Variants in CNTNAP2 observed in about 807,000 individuals in gnomAD.
The protein encoded by CNTNAP2 is contactin associated protein 2.
Under a neutral mutation model 155.2 loss-of-function variants are expected in CNTNAP2, and 98 were observed. That is an observed-to-expected ratio of 0.63 (90% confidence interval 0.54 to 0.75). The LOEUF is 0.75. Among genes scored for constraint, CNTNAP2 ranks in the 30% least tolerant of loss-of-function variants. The pLI, the probability that CNTNAP2 is intolerant of heterozygous loss-of-function variation, is 0.00. For synonymous variants in CNTNAP2, 651 were observed against 631.2 expected, an observed-to-expected ratio of 1.03 and a Z score of -0.47; for missense variants, 1,727 against 1,688.1, an observed-to-expected ratio of 1.02 and a Z score of -0.40.
chr7:148,027,178 G>A (rs1802391174), intron 15 of CNTNAP2, among the ~76,000 whole-genome samples: 1 of 152,120 alleles, frequency 6.6e-6, no homozygotes, highest in South Asian at 2.1e-4. Flanking sequence ...TGGGTGTGTG[G>A]TCTACAAAAC....
chr7:147,774,874 A>C (rs981725106), intron 13 of CNTNAP2, among the ~76,000 whole-genome samples: 4 of 152,154 alleles, frequency 2.6e-5, no homozygotes, highest in African/African-American at 9.7e-5. Flanking sequence ...TTAAAGGATA[A>C]GAAAACTGAA....
intron 13 of CNTNAP2, among the ~76,000 whole-genome samples, chr7:147,734,624 T>C (rs1442963821): frequency 2.0e-5 from 3 of 152,320 alleles, no homozygotes; most frequent in African/African-American, 7.2e-5. Flanking sequence ...TGGTAGAATT[T>C]GGCTGTGAAT....
At chr7:148,137,789 T>C (rs79120200) in intron 16 of CNTNAP2, among the ~76,000 whole-genome samples, 4,584 of 152,312 alleles carry the variant, frequency 0.03, 107 homozygotes, top group Non-Finnish European at 0.049. Flanking sequence ...TCTCTGTTGA[T>C]CTGCAGCATA....
At chr7:147,169,666 G>A (rs773936868) in intron 8 of CNTNAP2, among the ~76,000 whole-genome samples, 1 of 151,964 alleles carries the variant, frequency 6.6e-6, no homozygotes, top group Non-Finnish European at 1.5e-5. Context: ...GAGGGAGGGA[G>A]GGAGGGAAAT....
At chr7:146,630,180 G>A (rs929055937) in intron 1 of CNTNAP2, among the ~76,000 whole-genome samples, 2 of 151,914 alleles carry the variant, frequency 1.3e-5, no homozygotes. Flanking sequence ...TCCCCTACCT[G>A]TGTCCATGTG....
chr7:146,293,681 C>T (rs1163465959), intron 1 of CNTNAP2, among the ~76,000 whole-genome samples: 2 of 152,138 alleles, frequency 1.3e-5, no homozygotes, highest in Non-Finnish European at 2.9e-5. Context: ...TGATGCTCTC[C>T]TTTCATTTCA....
At position 147,589,896 on chromosome 7, in the gene CNTNAP2, C is replaced by A. The variant is rs114274312; in HGVS notation, c.1897+27639C>A. Among the ~76,000 whole-genome samples, 992 of 152,224 alleles carry A rather than the reference C, an allele frequency of 6.5e-3. 11 individuals are homozygous for A. The highest frequency in any genetic ancestry group is 0.023 in the African/African-American group (950 of 41,528). ...CCCAAAGGGGTGGCACCAATATGGA[C>A]TTTCACCAGCAGCGTGGAAGATCCT... On this transcript the variant is annotated intron_variant, in intron 12 of 23. Transcript: ENST00000361727.
chr7:146,615,616 C>T (rs1047365275), intron 1 of CNTNAP2, among the ~76,000 whole-genome samples: 4 of 152,196 alleles, frequency 2.6e-5, no homozygotes, highest in African/African-American at 9.7e-5. Flanking sequence ...GCACCTGAGA[C>T]TCTTTCTGAA....
chr7:148,344,013 T>C (rs1018546577), intron 21 of CNTNAP2, among the ~76,000 whole-genome samples: 4 of 152,194 alleles, frequency 2.6e-5, no homozygotes, highest in African/African-American at 9.6e-5. Flanking sequence ...CTACAGCCAA[T>C]TGATCACAAT....
intron 13 of CNTNAP2, among the ~76,000 whole-genome samples, chr7:147,739,817 T>C (rs1218622631): frequency 6.6e-6 from 1 of 152,130 alleles, no homozygotes; most frequent in Non-Finnish European, 1.5e-5. Context: ...TGTATTTATA[T>C]ATTTCATATA....
chr7:147,504,342 T>C (rs941270572), intron 11 of CNTNAP2, among the ~76,000 whole-genome samples: 8 of 152,214 alleles, frequency 5.3e-5, no homozygotes, highest in South Asian at 4.1e-4. Flanking sequence ...CAAGGGGTCT[T>C]GGCAATCATT....
intron 21 of CNTNAP2, among the ~76,000 whole-genome samples, chr7:148,315,844 T>C (rs1797677679): frequency 6.6e-6 from 1 of 152,202 alleles, no homozygotes; most frequent in African/African-American, 2.4e-5. Flanking sequence ...CCTACAGACT[T>C]TTTTATATAA....
At chr7:147,641,323 T>C (rs781141943) in intron 13 of CNTNAP2, among the ~76,000 whole-genome samples, 14 of 152,192 alleles carry the variant, frequency 9.2e-5, no homozygotes, top group Non-Finnish European at 1.9e-4. Context: ...GAGTACCCTC[T>C]AAGAAATAAG....
intron 6 of CNTNAP2, among the ~76,000 whole-genome samples, chr7:147,123,737 T>C (rs1245787216): frequency 2.0e-5 from 3 of 152,130 alleles, no homozygotes; most frequent in African/African-American, 7.2e-5. Flanking sequence ...GCTTATTTGT[T>C]TAGAAAAAAC....
chr7:147,358,706 C>A (rs1009924788), intron 9 of CNTNAP2, among the ~76,000 whole-genome samples: 2 of 151,980 alleles, frequency 1.3e-5, no homozygotes, highest in Non-Finnish European at 2.9e-5. Flanking sequence ...TATTTATTTT[C>A]AATGAAATTT....
intron 1 of CNTNAP2, among the ~76,000 whole-genome samples, chr7:146,265,512 G>A (rs1023494047): frequency 6.7e-6 from 1 of 148,296 alleles, no homozygotes; most frequent in African/African-American, 2.5e-5. Flanking sequence ...AGACTGGAGT[G>A]CAGTGGTGTG....
chr7:147,862,329 G>T (rs1263928010), intron 13 of CNTNAP2, among the ~76,000 whole-genome samples: 1 of 152,030 alleles, frequency 6.6e-6, no homozygotes, highest in African/African-American at 2.4e-5. Context: ...CCATTCCCCC[G>T]TACTCCTCCA....
chr7:147,864,565 G>T (rs1799195347), intron 13 of CNTNAP2, among the ~76,000 whole-genome samples: 1 of 152,074 alleles, frequency 6.6e-6, no homozygotes, highest in Non-Finnish European at 1.5e-5. Context: ...CATGAGCATG[G>T]AATGTTCTTC....
intron 1 of CNTNAP2, among the ~76,000 whole-genome samples, chr7:146,452,469 G>A (rs1796498117): frequency 6.6e-6 from 1 of 152,090 alleles, no homozygotes; most frequent in Non-Finnish European, 1.5e-5. Flanking sequence ...ACTGTACATT[G>A]AGGTACGGTA....
Sources: allele counts gnomAD v4.1 joint callset (sites outside exome capture counted in the v4.1 genomes callset), GRCh38; gene constraint gnomAD v4.1.1; transcripts MANE v1.5; gene names NCBI Gene and HGNC (gene_info 2026-07-23, HGNC 2026-07-21).